NRG1: variants seen among roughly 807,000 people sequenced by gnomAD.
NRG1 encodes pro-neuregulin-1, membrane-bound isoform.
NRG1 carries 18 observed loss-of-function variants against 63.8 expected under a neutral mutation model. The observed-to-expected ratio is 0.28, with a 90% confidence interval of 0.19 to 0.42. The LOEUF is 0.42. NRG1 is among the 10% of genes least tolerant of loss of function. NRG1 has a pLI of 1.00. For synonymous variants in NRG1, 302 were observed against 301.3 expected (o/e 1.00, Z -0.02); for missense variants, 762 against 814.7 (o/e 0.94, Z 0.79).
At chr8:31,766,308 G>A (rs796722346) in intron 1 of NRG1, among the ~76,000 whole-genome samples, 39 of 152,264 alleles carry the variant, frequency 2.6e-4, no homozygotes, top group African/African-American at 7.7e-4. Context: ...CTGAGCTGTC[G>A]TAGATAAGTG....
chr8:31,792,541 T>C (rs1820815054), intron 1 of NRG1, among the ~76,000 whole-genome samples: 1 of 152,256 alleles, frequency 6.6e-6, no homozygotes, highest in African/African-American at 2.4e-5. Context: ...AACTGACTAC[T>C]CAGATTTTAA....
chr8:32,146,484 A>G (rs149358561), intron 1 of NRG1, among the ~76,000 whole-genome samples: 1 of 152,294 alleles, frequency 6.6e-6, no homozygotes, highest in East Asian at 1.9e-4. Context: ...AACTCAAGGC[A>G]TATTAATGAT....
chr8:32,020,603 C>T (rs1816273981), intron 1 of NRG1, among the ~76,000 whole-genome samples: 1 of 152,072 alleles, frequency 6.6e-6, no homozygotes. Flanking sequence ...CTAGTGAAAC[C>T]ATAGTTTGTA....
intron 1 of NRG1, among the ~76,000 whole-genome samples, chr8:32,142,649 C>T (rs750830909): frequency 6.6e-6 from 1 of 152,124 alleles, no homozygotes; most frequent in African/African-American, 2.4e-5. Flanking sequence ...CTCAACAATT[C>T]TTTTTTCTTA....
At chr8:32,145,274 T>A (rs936872168) in intron 1 of NRG1, among the ~76,000 whole-genome samples, 3 of 152,202 alleles carry the variant, frequency 2.0e-5, no homozygotes, top group African/African-American at 7.2e-5. Context: ...CTGAGATACC[T>A]GAACCAGAAG....
chr8:32,564,610 T>C (rs933711867), intron 1 of NRG1, among the ~76,000 whole-genome samples: 4 of 152,232 alleles, frequency 2.6e-5, no homozygotes, highest in Non-Finnish European at 5.9e-5. Context: ...CATGCAATTA[T>C]GGTATTAGAT....
At chr8:31,789,912 A>G (rs1288549456) in intron 1 of NRG1, among the ~76,000 whole-genome samples, 1 of 152,232 alleles carries the variant, frequency 6.6e-6, no homozygotes, top group Non-Finnish European at 1.5e-5. Flanking sequence ...AGATCTACAG[A>G]AACAGATTAA....
intron 1 of NRG1, among the ~76,000 whole-genome samples, chr8:31,742,157 A>C (rs1370297051): frequency 6.6e-6 from 1 of 151,970 alleles, no homozygotes; most frequent in Admixed American, 6.6e-5. Context: ...TCAGCAACAT[A>C]GTGTTTTGAA....
intron 1 of NRG1, among the ~76,000 whole-genome samples, chr8:32,344,471 G>A (rs1400523677): frequency 2.8e-5 from 4 of 145,366 alleles, no homozygotes; most frequent in Admixed American, 7.0e-5. Flanking sequence ...CACTCTGCTC[G>A]CCCAGGCTGG....
chr8:31,879,744 G>A (rs767305547), intron 1 of NRG1, among the ~76,000 whole-genome samples: 1 of 152,052 alleles, frequency 6.6e-6, no homozygotes, highest in Non-Finnish European at 1.5e-5. Flanking sequence ...AGTGTCTGTT[G>A]TTTCCTTCTT....
chr8:32,155,594 C>T (rs1204843692), intron 1 of NRG1, among the ~76,000 whole-genome samples: 1 of 152,184 alleles, frequency 6.6e-6, no homozygotes, highest in African/African-American at 2.4e-5. Context: ...TAGGCAATGT[C>T]TCTGGCTGTA....
chr8:32,433,699 G>T (rs984284826), intron 1 of NRG1, among the ~76,000 whole-genome samples: 4 of 152,096 alleles, frequency 2.6e-5, no homozygotes, highest in African/African-American at 9.7e-5. Flanking sequence ...TCTCATCTAT[G>T]CAGCTCTAAA....
chr8:31,812,374 C>G (rs1340077863), intron 1 of NRG1, among the ~76,000 whole-genome samples: 5 of 152,014 alleles, frequency 3.3e-5, no homozygotes, highest in East Asian at 1.9e-4. Flanking sequence ...CATTAAATTC[C>G]CAGGTGATGT....
intron 1 of NRG1, among the ~76,000 whole-genome samples, chr8:31,845,246 G>T (rs952899416): frequency 6.6e-6 from 1 of 152,050 alleles, no homozygotes; most frequent in Non-Finnish European, 1.5e-5. Context: ...TTAAATTATT[G>T]GTATGTCAGA....
intron 7 of NRG1, among the ~76,000 whole-genome samples, chr8:32,745,934 T>G (rs1429938418): frequency 6.6e-6 from 1 of 152,188 alleles, no homozygotes; most frequent in Non-Finnish European, 1.5e-5. Flanking sequence ...TTAGCAGATA[T>G]CCTTAAAAGT....
chr8:32,393,802 G>A (rs1812089052), intron 1 of NRG1, among the ~76,000 whole-genome samples: 1 of 152,134 alleles, frequency 6.6e-6, no homozygotes, highest in Non-Finnish European at 1.5e-5. Context: ...GTACCTGGAT[G>A]ATGAAGTGGT....
intron 2 of NRG1, among the ~76,000 whole-genome samples, chr8:32,598,564 A>C (rs1325409010): frequency 1.3e-5 from 2 of 152,118 alleles, no homozygotes; most frequent in Non-Finnish European, 2.9e-5. Flanking sequence ...ATTATACCAG[A>C]AAGGGCAATA....
chr8:31,798,124 A>G (rs1209262723), intron 1 of NRG1, among the ~76,000 whole-genome samples: 1 of 152,124 alleles, frequency 6.6e-6, no homozygotes, highest in Non-Finnish European at 1.5e-5. Context: ...GGCAAGAAGA[A>G]TACTTTCTAG....
intron 1 of NRG1, among the ~76,000 whole-genome samples, chr8:31,937,426 G>A (rs958688149): frequency 5.9e-5 from 9 of 152,170 alleles, no homozygotes; most frequent in Non-Finnish European, 1.2e-4. Context: ...TTAAGTATTA[G>A]GGATGACTTG....
Sources: allele counts gnomAD v4.1 joint callset (sites outside exome capture counted in the v4.1 genomes callset), GRCh38; gene constraint gnomAD v4.1.1; transcripts MANE v1.5; gene names NCBI Gene and HGNC (gene_info 2026-07-23, HGNC 2026-07-21).